PAK5: variants seen among roughly 807,000 people sequenced by gnomAD.
PAK5 encodes serine/threonine-protein kinase PAK 5.
Under a neutral mutation model 65.9 loss-of-function variants are expected in PAK5, and 16 were observed. The ratio of observed to expected loss-of-function variants is 0.24; its 90% CI spans 0.16 to 0.37. The LOEUF is 0.37. Among genes scored for constraint, PAK5 ranks in the 10% least tolerant of loss-of-function variants. The pLI is 1.00. For missense variants in PAK5, 785 were observed against 903.9 expected, an observed-to-expected ratio of 0.87 and a Z score of 1.69; for synonymous variants, 371 against 354.9, an observed-to-expected ratio of 1.05 and a Z score of -0.51.
intron 4 of PAK5, among the ~76,000 whole-genome samples, chr20:9,573,552 C>T (rs745642122): frequency 6.6e-6 from 1 of 152,148 alleles, no homozygotes; most frequent in Non-Finnish European, 1.5e-5. Context: ...AATCAAGGAC[C>T]TAACTGAACT....
chr20:9,562,933 A>G lies in PAK5; in HGVS notation c.1574T>C (p.Phe525Ser). 6.2e-7 allele frequency: 1 copy of G among 1,613,780 alleles called. No individual in the cohort carries two copies. Among genetic ancestry groups the G allele is most frequent in the Non-Finnish European group, 8.5e-7 (1 of 1,179,780 alleles). Reference protein sequence around the residue: ...VGDELWVVMEFLEGGALTDIV... With the variant: ...VGDELWVVMESLEGGALTDIV... Reference sequence around the variant, plus strand: ...GTCTGTCAAGGCACCACCTTCTAGAAACTCCATGACCACCCAGAGCTCATC... The same window carrying G: ...GTCTGTCAAGGCACCACCTTCTAGAGACTCCATGACCACCCAGAGCTCATC... Residue 525 changes from phenylalanine (F) to serine (S), a missense_variant, in exon 6 of 10, where the codon TTT becomes TCT. Physicochemically the swap from Phe to Ser is radical, Grantham distance 155. Coordinates refer to ENST00000353224, the MANE Select transcript of PAK5 (RefSeq NM_177990.4).
intron 1 of PAK5, among the ~76,000 whole-genome samples, chr20:9,758,935 G>A (rs1452780527): frequency 2.0e-5 from 3 of 152,118 alleles, no homozygotes; most frequent in Non-Finnish European, 4.4e-5. Flanking sequence ...CTGGGGCTCA[G>A]GTTTCAGAGC....
At chr20:9,750,177 C>T (rs908553644) in intron 1 of PAK5, among the ~76,000 whole-genome samples, 4 of 151,984 alleles carry the variant, frequency 2.6e-5, no homozygotes, top group Admixed American at 2.0e-4. Context: ...CTCTTGGTGG[C>T]AGCAAATGTT....
chr20:9,767,253 A>T (rs774071950), intron 1 of PAK5, among the ~76,000 whole-genome samples: 6 of 152,224 alleles, frequency 3.9e-5, no homozygotes, highest in Non-Finnish European at 8.8e-5. Context: ...GAAAGATGAG[A>T]TCATAAAGGA....
rs34357361 is a variant in PAK5 at position 9,573,098 on chromosome 20, C to CTTT, written c.991-6717_991-6715dup. Among the ~76,000 whole-genome samples, 1,351 of 146,300 alleles carry CTTT rather than the reference C, an allele frequency of 9.2e-3. 8 individuals carry two copies. The highest frequency in any genetic ancestry group is 0.014 in the Non-Finnish European group (953 of 66,118). ...CAAGCAGTCATGATTGTGATTTCCT[C>CTTT]TTTTTTTTTTTTGAAATGGCTAATA... On this transcript the variant is annotated intron_variant, in intron 4 of 9. Transcript: ENST00000353224.
At chr20:9,564,283 G>C (rs1201234938) in intron 5 of PAK5, among the ~76,000 whole-genome samples, 1 of 152,104 alleles carries the variant, frequency 6.6e-6, no homozygotes, top group Non-Finnish European at 1.5e-5. Context: ...AGTTTAAAAG[G>C]TAAATGAGAA....
intron 6 of PAK5, among the ~76,000 whole-genome samples, chr20:9,558,968 T>A (rs1017866061): frequency 3.9e-5 from 6 of 152,170 alleles, no homozygotes; most frequent in African/African-American, 1.4e-4. Flanking sequence ...AAACCCCACC[T>A]CTTTTTTAGT....
intron 2 of PAK5, among the ~76,000 whole-genome samples, chr20:9,707,489 C>T (rs887964760): frequency 5.3e-5 from 8 of 152,128 alleles, no homozygotes; most frequent in African/African-American, 1.2e-4. Flanking sequence ...GTTTTCTTCC[C>T]GGTAGATTGT....
intron 3 of PAK5, among the ~76,000 whole-genome samples, chr20:9,622,640 C>A (rs6133734): frequency 0.14 from 21,620 of 152,210 alleles, 1,654 homozygotes; most frequent in East Asian, 0.25. Context: ...CTGAGCTCTG[C>A]CTCTTGTCAG....
chr20:9,597,691 G>T (rs1485721412), intron 3 of PAK5, among the ~76,000 whole-genome samples: 1 of 152,162 alleles, frequency 6.6e-6, no homozygotes, highest in African/African-American at 2.4e-5. Context: ...AGATGATGTT[G>T]TGCCCAATCA....
intron 3 of PAK5, among the ~76,000 whole-genome samples, chr20:9,593,498 C>T (rs968930783): frequency 6.6e-5 from 10 of 152,160 alleles, no homozygotes; most frequent in South Asian, 2.1e-4. Flanking sequence ...ATTTGCAGAA[C>T]GTGCAGGTTT....
chr20:9,578,028 G>T (rs780757042), intron 4 of PAK5, among the ~76,000 whole-genome samples: 1 of 152,130 alleles, frequency 6.6e-6, no homozygotes, highest in Non-Finnish European at 1.5e-5. Flanking sequence ...TCACTTAGAC[G>T]AAAGTTCTGG....
Position 9,733,387 on chromosome 20 carries a change from C to CTCTTTCTT in PAK5, c.-161-21960_-161-21953dup, listed in dbSNP as rs138872634. 1.2e-3 allele frequency among the ~76,000 whole-genome samples: 185 copies of CTCTTTCTT among 150,674 alleles called. 2 individuals are homozygous for CTCTTTCTT. The highest frequency in any genetic ancestry group is 4.2e-3 in the African/African-American group (173 of 41,000). ...CAACACCTCACATAGTTACCAATCT[C>CTCTTTCTT]TCTTTCTTTCTTTCTTTCTTTCTTT... On this transcript the variant is annotated intron_variant, in intron 1 of 9. Coordinates refer to ENST00000353224, the MANE Select transcript of PAK5 (RefSeq NM_177990.4).
chr20:9,596,182 A>C (rs1198761743), intron 3 of PAK5, among the ~76,000 whole-genome samples: 1 of 152,190 alleles, frequency 6.6e-6, no homozygotes, highest in Non-Finnish European at 1.5e-5. Flanking sequence ...AGTAGTCCTC[A>C]GCAATTTTAA....
At chr20:9,716,321 A>G (rs1452955048) in intron 1 of PAK5, among the ~76,000 whole-genome samples, 6 of 152,210 alleles carry the variant, frequency 3.9e-5, no homozygotes, top group Non-Finnish European at 8.8e-5. Context: ...AAGTAGATGT[A>G]ATTTCTTTTC....
At chr20:9,619,403 C>T (rs1051411602) in intron 3 of PAK5, among the ~76,000 whole-genome samples, 2 of 152,164 alleles carry the variant, frequency 1.3e-5, no homozygotes, top group Non-Finnish European at 2.9e-5. Flanking sequence ...TTGAAGGAGA[C>T]ACACTTGGCA....
At chr20:9,563,650 C>A (rs964846458) in intron 5 of PAK5, among the ~76,000 whole-genome samples, 14 of 152,170 alleles carry the variant, frequency 9.2e-5, no homozygotes, top group African/African-American at 3.4e-4. Context: ...GAAATTGCTG[C>A]CCTGTGGCTG....
chr20:9,579,768 G>A (rs900756149), intron 4 of PAK5, among the ~76,000 whole-genome samples: 1 of 152,088 alleles, frequency 6.6e-6, no homozygotes, highest in Non-Finnish European at 1.5e-5. Context: ...GGAACCACTG[G>A]ATGGCTCGAT....
intron 3 of PAK5, among the ~76,000 whole-genome samples, chr20:9,624,650 G>T (rs2327203): frequency 0.36 from 53,980 of 151,462 alleles, 11,590 homozygotes; most frequent in South Asian, 0.63. Context: ...ACACAGCTCT[G>T]TGCTTTGTGG....
Sources: allele counts gnomAD v4.1 joint callset (sites outside exome capture counted in the v4.1 genomes callset), GRCh38; gene constraint gnomAD v4.1.1; transcripts MANE v1.5; gene names NCBI Gene and HGNC (gene_info 2026-07-23, HGNC 2026-07-21).